SYNDIG1L: variants seen among roughly 807,000 people sequenced by gnomAD.
The protein encoded by SYNDIG1L is synapse differentiation-inducing gene protein 1-like.
A neutral mutation model predicts 20.1 loss-of-function variants in SYNDIG1L; 13 were observed. The observed-to-expected ratio is 0.65, with a 90% CI of 0.42 to 1.03. The LOEUF (loss-of-function observed/expected upper bound fraction) is 1.03. Among genes scored for constraint, SYNDIG1L ranks in the 50% least tolerant of loss-of-function variants. The pLI is 0.00. For synonymous variants in SYNDIG1L, 128 were observed against 129.3 expected, an observed-to-expected ratio of 0.99 and a Z score of 0.07; for missense variants, 294 against 305.1, an observed-to-expected ratio of 0.96 and a Z score of 0.27.
Position 74,406,092 on chromosome 14 carries a change from AG to A in SYNDIG1L, c.*1442del, listed in dbSNP as rs2086076451. 1 of 398,560 alleles carries A rather than the reference AG, an allele frequency of 2.5e-6. No homozygotes were observed. Among genetic ancestry groups the A allele is most frequent in the Admixed American group, 4.4e-5 (1 of 22,714 alleles). The allele number at this position is 398,560 out of a possible 1,614,324, so 24.7% of individuals were successfully genotyped here. On this transcript the variant is annotated 3_prime_UTR_variant, in exon 4 of 4. Coordinates refer to ENST00000331628, the MANE Select transcript of SYNDIG1L (RefSeq NM_001105579.2). Reference sequence around the variant, plus strand: ...ATGACCAGGTTCCCACATCATGCACAGCAGGGGCCTGTAGCTTGAGTCCAGA... The same window carrying A: ...ATGACCAGGTTCCCACATCATGCACACAGGGGCCTGTAGCTTGAGTCCAGA...
intron 2 of SYNDIG1L, among the ~76,000 whole-genome samples, chr14:74,409,088 A>ATTTG (rs770918057): frequency 2.0e-5 from 3 of 147,500 alleles, no homozygotes; most frequent in African/African-American, 7.7e-5. Context: ...TTATTTATTT[A>ATTTG]TATTTTTTTG....
the SYNDIG1L span, chr14:74,476,452 A>G: frequency 7.7e-7 from 1 of 1,303,096 alleles, no homozygotes; most frequent in Non-Finnish European, 1.1e-6. Flanking sequence ...TCCTTCTCCA[A>G]GCCCCTGCAG....
At chr14:74,421,603 G>A (rs767120177) in intron 1 of SYNDIG1L, among the ~76,000 whole-genome samples, 3 of 152,236 alleles carry the variant, frequency 2.0e-5, no homozygotes, top group African/African-American at 4.8e-5. Flanking sequence ...AGAAGAGCAG[G>A]ATGGGGAGAA....
the SYNDIG1L span, among the ~76,000 whole-genome samples, chr14:74,449,414 C>T: frequency 1.7e-5 from 1 of 59,464 alleles, no homozygotes; most frequent in Non-Finnish European, 3.0e-5. Flanking sequence ...CCAGCCTAGA[C>T]AATATAGCAA....
chr14:74,469,548 G>A, the SYNDIG1L span, among the ~76,000 whole-genome samples: 1 of 152,122 alleles, frequency 6.6e-6, no homozygotes, highest in Non-Finnish European at 1.5e-5. Flanking sequence ...AGAAAATGTG[G>A]CCACATGGCT....
At chr14:74,417,789 G>T (rs566367637) in intron 1 of SYNDIG1L, among the ~76,000 whole-genome samples, 1 of 152,262 alleles carries the variant, frequency 6.6e-6, no homozygotes, top group South Asian at 2.1e-4. Flanking sequence ...GTGAGGAGTT[G>T]ATCTTGAATG....
upstream of SYNDIG1L, among the ~76,000 whole-genome samples, chr14:74,430,434 C>A (rs941237145): frequency 8.0e-6 from 1 of 125,300 alleles, no homozygotes; most frequent in African/African-American, 3.3e-5. Flanking sequence ...CGGAAGAATA[C>A]GCATTCTTTT....
chr14:74,409,183 A>C, intron 2 of SYNDIG1L, 145 bp downstream of exon 2: 135 of 468,322 alleles, frequency 2.9e-4, no homozygotes, highest in East Asian at 3.0e-4. Context: ...GGCTCAAGCA[A>C]TCCTCTCACT....
rs188682987 is a variant in SYNDIG1L at position 74,422,918 on chromosome 14, C to T, written c.-58+2994G>A. Among the ~76,000 whole-genome samples, 266 of 152,032 alleles carry T rather than the reference C, an allele frequency of 1.7e-3. 7 individuals are homozygous for T. The East Asian group carries it at 0.048, about 27-fold the overall frequency. On this transcript the variant is annotated intron_variant, in intron 1 of 3. Coordinates refer to ENST00000331628, the MANE Select transcript of SYNDIG1L (RefSeq NM_001105579.2). The stretch of plus-strand genomic sequence containing the variant: ...TTCGCCATGTTGGCCAGGCTGGTCT[C>T]GAACTCCTGACCTCAAGTGATCCAC...
rs1444527714 is a variant in SYNDIG1L, at chr14:74,406,250, C to G, written c.*1285G>C. Reference sequence around the variant, plus strand: ...ATCAGTGAAGATGCCCCAGGGGTAACCAGGTACCCACCACTGACCCCCTAG... The same window carrying G: ...ATCAGTGAAGATGCCCCAGGGGTAAGCAGGTACCCACCACTGACCCCCTAG... On this transcript the variant is annotated 3_prime_UTR_variant, in exon 4 of 4. Transcript: ENST00000331628. The G allele has an allele frequency of 7.6e-6, 3 of 396,726 alleles. No homozygotes were observed. The highest frequency in any genetic ancestry group is 1.3e-5 in the Non-Finnish European group (3 of 225,518). The allele number at this position is 396,726 out of a possible 1,614,324, so 24.6% of individuals were successfully genotyped here. A position where few individuals can be genotyped will look rare whatever the true frequency, so the allele number is the denominator to read the frequency against.
chr14:74,470,931 G>C, the SYNDIG1L span, among the ~76,000 whole-genome samples: 1 of 152,152 alleles, frequency 6.6e-6, no homozygotes, highest in African/African-American at 2.4e-5. Flanking sequence ...GGGGTTCCCT[G>C]GGCCGGACAG....
At chr14:74,479,886 C>T in the SYNDIG1L span, 3 of 988,904 alleles carry the variant, frequency 3.0e-6, no homozygotes, top group Non-Finnish European at 3.9e-6. Flanking sequence ...GCCTGCCTTC[C>T]ATGGTTCTAG....
chr14:74,468,053 C>T, the SYNDIG1L span, among the ~76,000 whole-genome samples: 1 of 152,024 alleles, frequency 6.6e-6, no homozygotes, highest in Admixed American at 6.5e-5. Flanking sequence ...CAGGAAGGCT[C>T]CCTGTGCAGA....
At chr14:74,465,310 G>A in the SYNDIG1L span, among the ~76,000 whole-genome samples, 2 of 152,220 alleles carry the variant, frequency 1.3e-5, no homozygotes, top group African/African-American at 4.8e-5. Context: ...TCAGAGTTCA[G>A]TTAGGCCCAG....
the SYNDIG1L span, among the ~76,000 whole-genome samples, chr14:74,440,816 A>G: frequency 1.4e-3 from 215 of 152,322 alleles, 1 homozygote; most frequent in African/African-American, 5.1e-3. Flanking sequence ...ATACATTTCT[A>G]ATTACTAGGC....
chr14:74,455,394 C>CTT, the SYNDIG1L span, among the ~76,000 whole-genome samples: 4,601 of 123,680 alleles, frequency 0.037, 353 homozygotes, highest in African/African-American at 0.12. Context: ...CTTCCCCAAT[C>CTT]TTTTTTTTTT....
chr14:74,414,891 G>A (rs918667901), intron 1 of SYNDIG1L, among the ~76,000 whole-genome samples: 2 of 152,132 alleles, frequency 1.3e-5, no homozygotes, highest in African/African-American at 4.8e-5. Context: ...TAATATGAAG[G>A]CTTCAAGGAA....
the SYNDIG1L span, among the ~76,000 whole-genome samples, chr14:74,458,343 C>A: frequency 1.3e-5 from 2 of 151,874 alleles, no homozygotes; most frequent in Non-Finnish European, 2.9e-5. Flanking sequence ...CACCTATAAT[C>A]CCAGCACTTT....
chr14:74,475,132 T>G, the SYNDIG1L span, among the ~76,000 whole-genome samples: 4 of 152,116 alleles, frequency 2.6e-5, no homozygotes, highest in Middle Eastern at 3.4e-3. Context: ...GGAATTAAAT[T>G]TGGAAGACAA....
Sources: allele counts gnomAD v4.1 joint callset (sites outside exome capture counted in the v4.1 genomes callset), GRCh38; gene constraint gnomAD v4.1.1; transcripts MANE v1.5; gene names NCBI Gene and HGNC (gene_info 2026-07-23, HGNC 2026-07-21).